The following CACNA1C variants were observed in gnomAD, a reference collection of about 807,000 sequenced individuals.
CACNA1C encodes calcium voltage-gated channel subunit alpha1 C, also known as voltage-dependent L-type calcium channel subunit alpha-1C.
A neutral mutation model predicts 229.0 loss-of-function variants in CACNA1C; 30 were observed. The ratio of observed to expected loss-of-function variants is 0.13; its 90% CI spans 0.10 to 0.18. The LOEUF is 0.18. CACNA1C is among the 10% of genes least tolerant of loss of function. The pLI is 1.00. For synonymous variants in CACNA1C, 1,114 were observed against 1,132.5 expected, an observed-to-expected ratio of 0.98 and a Z score of 0.33; for missense variants, 1,658 against 2,845.0, an observed-to-expected ratio of 0.58 and a Z score of 9.49.
Position 2,161,116 on chromosome 12 carries a change from G to A in CACNA1C, c.477+40686G>A, listed in dbSNP as rs139023002. On this transcript the variant is annotated intron_variant, in intron 3 of 46. Transcript: ENST00000399655. ...ATAACAGGCGTGAGCCACCGCACCC[G>A]GCTAGCTCTGGTTATCCTTTGCTGA... is the stretch of plus-strand genomic sequence containing the variant. Among the ~76,000 whole-genome samples, 222 of 152,342 alleles carry A rather than the reference G, an allele frequency of 1.5e-3. 2 individuals are homozygous for A. Among genetic ancestry groups the A allele is most frequent in the African/African-American group, 4.9e-3 (203 of 41,572 alleles).
chr12:2,273,380 GGCCAACT>G lies in CACNA1C; in HGVS notation c.477+152952_477+152958del, dbSNP rs557269782. The stretch of plus-strand genomic sequence containing the variant: ...TGGTTGAATCACCAAGAATGCAAAG[GGCCAACT>G]GTATCAACAGCTCAAAGTGGAGAGC... On this transcript the variant is annotated intron_variant, in intron 3 of 46. Transcript: ENST00000399655. Among the ~76,000 whole-genome samples, 329 of 152,104 alleles carry G rather than the reference GGCCAACT, an allele frequency of 2.2e-3. 2 individuals carry two copies. Among genetic ancestry groups the G allele is most frequent in the African/African-American group, 7.6e-3 (316 of 41,476 alleles).
chr12:2,175,483 G>A (rs764850498), intron 3 of CACNA1C, among the ~76,000 whole-genome samples: 14 of 149,826 alleles, frequency 9.3e-5, no homozygotes, highest in African/African-American at 2.9e-4. Flanking sequence ...TTCAGGTTCC[G>A]TTTGTTTTGA....
intron 1 of CACNA1C, among the ~76,000 whole-genome samples, chr12:2,043,716 C>T (rs1309597466): frequency 2.3e-5 from 3 of 131,404 alleles, no homozygotes; most frequent in East Asian, 2.2e-4. Context: ...ACTGCAGTGG[C>T]GCAATCTCGG....
At chr12:2,402,862 T>C (rs2098695247) in intron 3 of CACNA1C, among the ~76,000 whole-genome samples, 2 of 152,248 alleles carry the variant, frequency 1.3e-5, no homozygotes, top group African/African-American at 4.8e-5. Flanking sequence ...CCTTAGGTTA[T>C]GATTTAAGCC....
In CACNA1C at chr12:2,348,253, G is replaced by C. The variant is rs1455872188; in HGVS notation, c.478-100723G>C. ...GAGGCCTTCTGCTCACCGGAAGGGG[G>C]GCAGGTCTGCAGCCCCTCCCCCACT... On this transcript the variant is annotated intron_variant, in intron 3 of 46. Transcript: ENST00000399655. The surrounding 1 kb of genome is among the most constrained non-coding windows in gnomAD (Gnocchi z 4.7). 6.6e-6 allele frequency among the ~76,000 whole-genome samples: 1 copy of C among 152,198 alleles called. No individual in the cohort carries two copies.
At position 2,653,001 on chromosome 12, in the gene CACNA1C, C is replaced by T. The variant is rs1303025843; in HGVS notation, c.4075-834C>T. On this transcript the variant is annotated intron_variant, in intron 32 of 46. Coordinates refer to ENST00000399655, the MANE Select transcript of CACNA1C (RefSeq NM_000719.7). This position sits in a 1 kb window ranked among gnomAD's most constrained non-coding sequence, Gnocchi z 4.7. ...AGGCAGCTGGCGCCTGCTCTGACGGCACCCTCTAGTGACCGGTGGCCACGG... is the reference window on the plus strand; with the variant it reads ...AGGCAGCTGGCGCCTGCTCTGACGGTACCCTCTAGTGACCGGTGGCCACGG... Among the ~76,000 whole-genome samples, 1 of 152,250 alleles carries T rather than the reference C, an allele frequency of 6.6e-6. No homozygotes were observed. Among genetic ancestry groups the T allele is most frequent in the African/African-American group, 2.4e-5 (1 of 41,472 alleles).
chr12:2,047,738 T>C (rs7138372), intron 1 of CACNA1C, among the ~76,000 whole-genome samples: 53,187 of 151,898 alleles, frequency 0.35, 10,174 homozygotes, highest in East Asian at 0.6. Context: ...CCGTGAGTGA[T>C]GTGGAGGAAG....
intron 3 of CACNA1C, among the ~76,000 whole-genome samples, chr12:2,389,361 G>A (rs141229694): frequency 4.1e-4 from 63 of 152,248 alleles, no homozygotes; most frequent in Admixed American, 1.3e-3. Context: ...GGAGACAAGC[G>A]TCTGAACTCT....
intron 3 of CACNA1C, among the ~76,000 whole-genome samples, chr12:2,436,378 C>T (rs545605938): frequency 3.3e-5 from 5 of 152,268 alleles, no homozygotes; most frequent in East Asian, 1.9e-4. Flanking sequence ...GCCTCTTCTC[C>T]GCCTCCTCAC....
chr12:2,370,464 A>T (rs1215175622), intron 3 of CACNA1C, among the ~76,000 whole-genome samples: 1 of 152,236 alleles, frequency 6.6e-6, no homozygotes, highest in Non-Finnish European at 1.5e-5. Context: ...TCAAAGGGGA[A>T]TGTTTAAATG....
At chr12:2,189,740 T>A (rs1286721496) in intron 3 of CACNA1C, among the ~76,000 whole-genome samples, 1 of 152,186 alleles carries the variant, frequency 6.6e-6, no homozygotes, top group African/African-American at 2.4e-5. Flanking sequence ...AGCATGAAGT[T>A]GTGGCCAGCC....
In CACNA1C at chr12:2,632,701, A is replaced by G. The variant is rs1000957092; in HGVS notation, c.3829-1596A>G. ...CCTTCTAGGCAGCCAGCCTCCCCCA[A>G]CCTACCAGCCTATCCCTAGCAAACC... On this transcript the variant is annotated intron_variant, in intron 29 of 46. Transcript: ENST00000399655. The surrounding 1 kb of genome is among the most constrained non-coding windows in gnomAD (Gnocchi z 4.1). Among the ~76,000 whole-genome samples, 1 of 151,844 alleles carries G rather than the reference A, an allele frequency of 6.6e-6. No homozygotes were observed. Among genetic ancestry groups the G allele is most frequent in the Non-Finnish European group, 1.5e-5 (1 of 67,944 alleles).
chr12:2,010,772 G>A (rs958589140), intron 1 of CACNA1C: 6 of 152,210 alleles, frequency 3.9e-5, no homozygotes, highest in Middle Eastern at 3.4e-3. Flanking sequence ...AAAATGCAAA[G>A]ACCTGATAGT....
intron 3 of CACNA1C, among the ~76,000 whole-genome samples, chr12:2,342,787 G>A (rs138653234): frequency 9.4e-4 from 143 of 152,244 alleles, no homozygotes; most frequent in African/African-American, 3.2e-3. Flanking sequence ...TGCCCTTAAC[G>A]TTAAATCAGC....
intron 13 of CACNA1C, among the ~76,000 whole-genome samples, chr12:2,572,316 TCCTCTTCCTCCTCCTTCTCTTCTTC>T: frequency 7.0e-6 from 1 of 143,108 alleles, no homozygotes; most frequent in South Asian, 2.3e-4. Flanking sequence ...CTCCTCCTCC[TCCTCTTCCTCCTCCTTCTCTTCTTC>T]CTCCTCCTCC....
intron 1 of CACNA1C, chr12:2,020,663 G>A (rs1047252599): frequency 6.6e-6 from 1 of 151,616 alleles, no homozygotes; most frequent in Non-Finnish European, 1.5e-5. Context: ...AAGACAGAAG[G>A]GCTGATTTGG....
At chr12:2,507,770 A>G (rs529485535) in intron 8 of CACNA1C, among the ~76,000 whole-genome samples, 2 of 152,338 alleles carry the variant, frequency 1.3e-5, no homozygotes, top group Non-Finnish European at 2.9e-5. Context: ...AATGACCTCA[A>G]TCCCAGCAGG....
chr12:2,358,134 T>C (rs533731379), intron 3 of CACNA1C, among the ~76,000 whole-genome samples: 1 of 152,156 alleles, frequency 6.6e-6, no homozygotes, highest in Non-Finnish European at 1.5e-5. Context: ...AGAGGGGTTT[T>C]CCAAAGGAAA....
chr12:2,572,547 C>CTCT (rs1422175970), intron 13 of CACNA1C, among the ~76,000 whole-genome samples: 1 of 18,074 alleles, frequency 5.5e-5, no homozygotes, highest in Admixed American at 7.6e-4. Flanking sequence ...CCTCCTTCTC[C>CTCT]CCTCCTCCTT....
Sources: gnomAD v4.1 joint callset for allele counts (sites outside exome capture counted in the v4.1 genomes callset) on GRCh38, gnomAD v4.1.1 for gene constraint, Gnocchi (gnomAD v3.1) non-coding constraint, MANE v1.5 for transcripts, NCBI Gene and HGNC (gene_info 2026-07-23, HGNC 2026-07-21) for gene names.